PTPN4: variants seen among roughly 807,000 people sequenced by gnomAD.
The protein encoded by PTPN4 is tyrosine-protein phosphatase non-receptor type 4.
A neutral mutation model predicts 135.5 loss-of-function variants in PTPN4; 49 were observed. The observed-to-expected ratio is 0.36, with a 90% confidence interval of 0.29 to 0.46. The LOEUF is 0.46. PTPN4 is among the 20% of genes least tolerant of loss of function. PTPN4 has a pLI of 1.00. For synonymous variants in PTPN4, 333 were observed against 369.9 expected, an observed-to-expected ratio of 0.90 and a Z score of 1.14; for missense variants, 860 against 1,101.0, an observed-to-expected ratio of 0.78 and a Z score of 3.10.
At chr2:119,914,614 A>T (rs1371303911) in intron 10 of PTPN4, among the ~76,000 whole-genome samples, 1 of 152,088 alleles carries the variant, frequency 6.6e-6, no homozygotes, top group Non-Finnish European at 1.5e-5. Flanking sequence ...GAAAGATCAA[A>T]TCTCTTTAGC....
chr2:119,962,693 A>G lies in PTPN4; in HGVS notation c.2358A>G (p.Glu786=). The change falls in exon 24 of 27, where the codon GAA becomes GAG. Residue 786 remains glutamate, a synonymous_variant. Transcript: ENST00000263708. The stretch of plus-strand genomic sequence containing the variant: ...GCTACCAAGTTACCTGCCACTCTGA[A>G]GAAGGAAACACTGCCTATATCTTCA... ...YGCYQVTCHS[E]EGNTAYIFRK... is the part of the protein sequence containing the mutation. The G allele has an allele frequency of 1.3e-6, 2 of 1,590,640 alleles. No homozygotes were observed. The highest frequency in any genetic ancestry group is 1.7e-6 in the Non-Finnish European group (2 of 1,163,202).
intron 1 of PTPN4, among the ~76,000 whole-genome samples, chr2:119,768,135 GT>G (rs1272988964): frequency 2.0e-5 from 3 of 151,958 alleles, no homozygotes; most frequent in African/African-American, 7.3e-5. Flanking sequence ...ATTTGTTTCT[GT>G]TTAGTGGTTT....
In PTPN4 at chr2:119,905,235, C is replaced by G. The variant is rs113061607; in HGVS notation, c.764+4429C>G. Among the ~76,000 whole-genome samples the G allele has an allele frequency of 8.3e-3, 1,261 of 152,230 alleles. 18 individuals carry two copies. The highest frequency in any genetic ancestry group is 0.026 in the African/African-American group (1,068 of 41,548). On this transcript the variant is annotated intron_variant, in intron 10 of 26. Coordinates refer to ENST00000263708, the MANE Select transcript of PTPN4 (RefSeq NM_002830.4). ...TAAAAAAAGAAGACCGAATTCTATG[C>G]TACCTACAAGAAACTCAACTTCACC...
intron 2 of PTPN4, among the ~76,000 whole-genome samples, chr2:119,854,250 A>G (rs1677639332): frequency 6.6e-6 from 1 of 152,212 alleles, no homozygotes; most frequent in African/African-American, 2.4e-5. Flanking sequence ...GAGGAGACGG[A>G]GGAATTACCA....
intron 10 of PTPN4, among the ~76,000 whole-genome samples, chr2:119,910,126 T>C (rs1678548865): frequency 6.6e-6 from 1 of 152,090 alleles, no homozygotes; most frequent in Non-Finnish European, 1.5e-5. Flanking sequence ...AGGTAAGTGC[T>C]ATCAAATAGC....
chr2:119,856,539 GA>G (rs889336849), intron 2 of PTPN4, among the ~76,000 whole-genome samples: 3 of 152,124 alleles, frequency 2.0e-5, no homozygotes, highest in African/African-American at 4.8e-5. Flanking sequence ...CTAACAAAGG[GA>G]ATCCTACGAT....
At chr2:119,783,748 G>T (rs901502368) in intron 1 of PTPN4, among the ~76,000 whole-genome samples, 3 of 152,208 alleles carry the variant, frequency 2.0e-5, no homozygotes, top group Non-Finnish European at 4.4e-5. Flanking sequence ...AAGAATAAGT[G>T]ACAGAATGTG....
At chr2:119,908,707 G>T (rs955722393) in intron 10 of PTPN4, among the ~76,000 whole-genome samples, 1 of 152,072 alleles carries the variant, frequency 6.6e-6, no homozygotes, top group African/African-American at 2.4e-5. Flanking sequence ...TGTCACTTTC[G>T]ATCAAAAATT....
chr2:119,811,463 C>A (rs1676871191), intron 2 of PTPN4, among the ~76,000 whole-genome samples: 2 of 152,056 alleles, frequency 1.3e-5, no homozygotes, highest in Admixed American at 1.3e-4. Context: ...CTTTTGATTT[C>A]TTTTGTATTC....
chr2:119,827,590 A>G (rs944966931), intron 2 of PTPN4, among the ~76,000 whole-genome samples: 2 of 152,212 alleles, frequency 1.3e-5, no homozygotes, highest in African/African-American at 4.8e-5. Flanking sequence ...TCTTAAATGT[A>G]AGACAAGAAT....
At chr2:119,762,371 GGTT>G (rs1465883279) in intron 1 of PTPN4, among the ~76,000 whole-genome samples, 1 of 151,906 alleles carries the variant, frequency 6.6e-6, no homozygotes, top group Non-Finnish European at 1.5e-5. Context: ...GACTTCGTTA[GGTT>G]GTTATTAAAC....
At chr2:119,847,065 C>G (rs530411011) in intron 2 of PTPN4, among the ~76,000 whole-genome samples, 1 of 150,464 alleles carries the variant, frequency 6.6e-6, no homozygotes, top group Non-Finnish European at 1.5e-5. Flanking sequence ...TTGATCATTT[C>G]TGGTGCTTTT....
intron 2 of PTPN4, among the ~76,000 whole-genome samples, chr2:119,835,810 C>A (rs1167315123): frequency 2.6e-5 from 4 of 152,126 alleles, no homozygotes; most frequent in Non-Finnish European, 5.9e-5. Context: ...TGGCTCACAC[C>A]TGTAATCCCA....
At chr2:119,760,532 A>C in intron 1 of PTPN4, 148 bp downstream of exon 1, 4 of 348,986 alleles carry the variant, frequency 1.1e-5, no homozygotes, top group South Asian at 1.5e-4. Context: ...AAAGGACAAA[A>C]ACAAACAAAC....
chr2:119,909,083 C>T (rs943498803), intron 10 of PTPN4, among the ~76,000 whole-genome samples: 1 of 152,158 alleles, frequency 6.6e-6, no homozygotes, highest in Non-Finnish European at 1.5e-5. Flanking sequence ...CATCTCCATA[C>T]ATAAAAGTTC....
At chr2:119,890,138 T>A (rs1214577297) in intron 9 of PTPN4, among the ~76,000 whole-genome samples, 1 of 152,172 alleles carries the variant, frequency 6.6e-6, no homozygotes, top group Non-Finnish European at 1.5e-5. Flanking sequence ...TATTGCAGTC[T>A]GTGTCTCTCT....
chr2:119,787,531 A>G (rs919571089), intron 1 of PTPN4, among the ~76,000 whole-genome samples: 6 of 152,232 alleles, frequency 3.9e-5, no homozygotes, highest in Non-Finnish European at 8.8e-5. Flanking sequence ...TGGTTTTCAG[A>G]TATTTTCTAC....
intron 2 of PTPN4, among the ~76,000 whole-genome samples, chr2:119,851,213 G>A (rs1004756794): frequency 2.6e-5 from 4 of 152,222 alleles, no homozygotes; most frequent in Non-Finnish European, 5.9e-5. Context: ...TGTTGTTACC[G>A]GTGGAAGGTG....
At chr2:119,808,951 T>C (rs983555114) in intron 1 of PTPN4, among the ~76,000 whole-genome samples, 1 of 152,220 alleles carries the variant, frequency 6.6e-6, no homozygotes, top group Non-Finnish European at 1.5e-5. Context: ...TTACTACTTA[T>C]TGCTTACTCA....
Sources: allele counts gnomAD v4.1 joint callset (sites outside exome capture counted in the v4.1 genomes callset), GRCh38; gene constraint gnomAD v4.1.1; transcripts MANE v1.5; gene names NCBI Gene and HGNC (gene_info 2026-07-23, HGNC 2026-07-21).